Variants in TMEM132D observed in about 807,000 individuals in gnomAD.
TMEM132D encodes the protein mature OL transmembrane protein.
In TMEM132D, 21 loss-of-function variants were observed where a neutral mutation model predicts 62.3. That is an observed-to-expected ratio of 0.34 (90% confidence interval 0.24 to 0.49). The LOEUF is 0.49. TMEM132D is among the 20% of genes least tolerant of loss of function. TMEM132D has a pLI of 0.99. For synonymous variants in TMEM132D, 621 were observed against 575.6 expected, an observed-to-expected ratio of 1.08 and a Z score of -1.13; for missense variants, 1,346 against 1,402.8, an observed-to-expected ratio of 0.96 and a Z score of 0.65.
At chr12:129,721,335 T>A (rs1393428668) in intron 1 of TMEM132D, among the ~76,000 whole-genome samples, 3 of 152,016 alleles carry the variant, frequency 2.0e-5, no homozygotes, top group African/African-American at 7.2e-5. Flanking sequence ...CCTATCTGGA[T>A]GTGCTTTGTG....
chr12:129,686,774 A>G (rs1880931565), intron 2 of TMEM132D, among the ~76,000 whole-genome samples: 1 of 152,090 alleles, frequency 6.6e-6, no homozygotes, highest in African/African-American at 2.4e-5. Context: ...ATTCATATTG[A>G]TTTCTGTCTT....
chr12:129,484,213 G>T (rs367862216), intron 3 of TMEM132D, among the ~76,000 whole-genome samples: 1 of 152,036 alleles, frequency 6.6e-6, no homozygotes, highest in Non-Finnish European at 1.5e-5. Flanking sequence ...CAGATGATCT[G>T]CCTGCCTTGG....
At chr12:129,248,678 T>C (rs977491245) in intron 4 of TMEM132D, among the ~76,000 whole-genome samples, 12 of 152,150 alleles carry the variant, frequency 7.9e-5, no homozygotes, top group African/African-American at 2.9e-4. Flanking sequence ...CTAGTATCCA[T>C]TAGTTATTTT....
chr12:129,171,714 A>G (rs3996446), intron 5 of TMEM132D, among the ~76,000 whole-genome samples: 126,924 of 152,154 alleles, frequency 0.83, 53,414 homozygotes, highest in Non-Finnish European at 0.9. Flanking sequence ...CATTGTCATT[A>G]AGCAGGAATA....
chr12:129,321,593 T>G (rs183856061), intron 4 of TMEM132D, among the ~76,000 whole-genome samples: 1,932 of 151,978 alleles, frequency 0.013, 45 homozygotes, highest in African/African-American at 0.044. Context: ...GTCTCACTCT[T>G]TCGCCCAGGC....
intron 2 of TMEM132D, among the ~76,000 whole-genome samples, chr12:129,656,366 A>T (rs1880076489): frequency 6.6e-6 from 1 of 152,164 alleles, no homozygotes; most frequent in Non-Finnish European, 1.5e-5. Context: ...GGCCCTGTGG[A>T]ATCAGAATGT....
At chr12:129,315,126 G>A (rs573547166) in intron 4 of TMEM132D, among the ~76,000 whole-genome samples, 1 of 152,054 alleles carries the variant, frequency 6.6e-6, no homozygotes, top group South Asian at 2.1e-4. Context: ...CCAGTTGGAT[G>A]CCCTTTATTT....
At chr12:129,362,863 G>A (rs1312867571) in intron 3 of TMEM132D, among the ~76,000 whole-genome samples, 1 of 152,166 alleles carries the variant, frequency 6.6e-6, no homozygotes, top group Non-Finnish European at 1.5e-5. Context: ...CTCCACTTCA[G>A]GGATTAGAAA....
intron 2 of TMEM132D, among the ~76,000 whole-genome samples, chr12:129,631,945 A>G (rs1879355512): frequency 1.3e-5 from 2 of 152,210 alleles, no homozygotes; most frequent in Non-Finnish European, 2.9e-5. Flanking sequence ...TTTAAGAGTC[A>G]GGTTACATAC....
intron 5 of TMEM132D, among the ~76,000 whole-genome samples, chr12:129,137,503 A>G (rs1166074328): frequency 6.6e-6 from 1 of 152,200 alleles, no homozygotes; most frequent in Non-Finnish European, 1.5e-5. Flanking sequence ...TGCCAGTCTT[A>G]GTGAATAAAA....
intron 4 of TMEM132D, among the ~76,000 whole-genome samples, chr12:129,242,591 G>T (rs1283000767): frequency 6.6e-6 from 1 of 151,914 alleles, no homozygotes; most frequent in Admixed American, 6.6e-5. Context: ...ATCACCACTT[G>T]TATATTTGAA....
chr12:129,308,914 C>T (rs967351719), intron 4 of TMEM132D, among the ~76,000 whole-genome samples: 1 of 152,152 alleles, frequency 6.6e-6, no homozygotes, highest in Non-Finnish European at 1.5e-5. Context: ...TGTTAAATGA[C>T]TGGAAGAGGA....
chr12:129,236,499 A>AGT (rs1879786913), intron 4 of TMEM132D, among the ~76,000 whole-genome samples: 1 of 131,726 alleles, frequency 7.6e-6, no homozygotes, highest in Non-Finnish European at 1.6e-5. Context: ...TGGGCAATGG[A>AGT]GTGAGACTCC....
chr12:129,212,356 C>T (rs1438130012), intron 4 of TMEM132D: 1 of 152,188 alleles, frequency 6.6e-6, no homozygotes, highest in Non-Finnish European at 1.5e-5. Context: ...TTCCCTGCCT[C>T]CTCTGTGTAT....
intron 2 of TMEM132D, among the ~76,000 whole-genome samples, chr12:129,593,537 G>A (rs1878251943): frequency 6.6e-6 from 1 of 152,184 alleles, no homozygotes; most frequent in Admixed American, 6.5e-5. Flanking sequence ...AGTGGGTGGG[G>A]AGCAGGAGGC....
intron 5 of TMEM132D, among the ~76,000 whole-genome samples, chr12:129,092,859 A>T (rs1565961702): frequency 6.6e-6 from 1 of 152,214 alleles, no homozygotes; most frequent in Non-Finnish European, 1.5e-5. Flanking sequence ...TTTGCCAGAT[A>T]AGAACATTGA....
At chr12:129,783,643 A>G (rs963915063) in intron 1 of TMEM132D, among the ~76,000 whole-genome samples, 7 of 152,184 alleles carry the variant, frequency 4.6e-5, no homozygotes, top group Non-Finnish European at 8.8e-5. Context: ...AGGTGTTTCC[A>G]TTGGAACCAA....
At chr12:129,453,281 T>C (rs1368581814) in intron 3 of TMEM132D, among the ~76,000 whole-genome samples, 5 of 152,178 alleles carry the variant, frequency 3.3e-5, no homozygotes, top group Non-Finnish European at 7.3e-5. Flanking sequence ...GCGTGCCTAC[T>C]AAACGAAGCC....
chr12:129,599,375 TA>T (rs1490117798), intron 2 of TMEM132D, among the ~76,000 whole-genome samples: 1 of 152,216 alleles, frequency 6.6e-6, no homozygotes, highest in Non-Finnish European at 1.5e-5. Flanking sequence ...GATTTTGAAT[TA>T]CAGAGGCATT....
Sources: gnomAD v4.1 joint callset for allele counts (sites outside exome capture counted in the v4.1 genomes callset) on GRCh38, gnomAD v4.1.1 for gene constraint, MANE v1.5 for transcripts, NCBI Gene and HGNC (gene_info 2026-07-23, HGNC 2026-07-21) for gene names.